RBFOX1: variants seen among roughly 807,000 people sequenced by gnomAD.
The protein encoded by RBFOX1 is RNA binding fox-1 homolog 1.
RBFOX1 carries 8 observed loss-of-function variants against 57.7 expected under a neutral mutation model. The ratio of observed to expected loss-of-function variants is 0.14; its 90% CI spans 0.08 to 0.25. RBFOX1 has a LOEUF of 0.25. Ranked by LOEUF, RBFOX1 falls within the 10% of genes least tolerant of loss-of-function variation. RBFOX1 has a pLI of 1.00. For missense variants in RBFOX1, 611 were observed against 548.5 expected (o/e 1.11, Z -1.14); for synonymous variants, 326 against 222.4 (o/e 1.47, Z -4.15).
At chr16:6,605,906 C>T (rs971560218) in intron 2 of RBFOX1, among the ~76,000 whole-genome samples, 20 of 152,130 alleles carry the variant, frequency 1.3e-4, no homozygotes, top group African/African-American at 3.9e-4. Flanking sequence ...TCGAGACCAG[C>T]CTGGCCAACA....
chr16:7,310,488 G>A (rs2096283013), intron 4 of RBFOX1, among the ~76,000 whole-genome samples: 1 of 152,134 alleles, frequency 6.6e-6, no homozygotes, highest in South Asian at 2.1e-4. Flanking sequence ...TAACTGTGGA[G>A]CACCCAGAGT....
chr16:5,876,057 G>A (rs536551270), intron 4 of RBFOX1, among the ~76,000 whole-genome samples: 1 of 152,040 alleles, frequency 6.6e-6, no homozygotes, highest in East Asian at 1.9e-4. Context: ...GTTAGCCAGG[G>A]TAGTCTTGAT....
chr16:6,529,830 A>T (rs112818170), intron 2 of RBFOX1, among the ~76,000 whole-genome samples: 1 of 152,082 alleles, frequency 6.6e-6, no homozygotes, highest in Non-Finnish European at 1.5e-5. Flanking sequence ...CATTTTTATT[A>T]AATATTATCC....
intron 2 of RBFOX1, among the ~76,000 whole-genome samples, chr16:6,612,346 T>G (rs944346714): frequency 6.6e-6 from 1 of 152,170 alleles, no homozygotes; most frequent in Admixed American, 6.5e-5. Flanking sequence ...GCATACGTTT[T>G]TAATAAAACC....
intron 3 of RBFOX1, among the ~76,000 whole-genome samples, chr16:5,814,922 C>A (rs578231918): frequency 2.0e-5 from 3 of 151,136 alleles, no homozygotes; most frequent in African/African-American, 7.3e-5. Flanking sequence ...GGCGACAGAG[C>A]GAGACTCCGT....
rs192518895 is a variant in RBFOX1, at chr16:6,930,325, A to G, written c.-15-121732A>G. On this transcript the variant is annotated intron_variant, in intron 3 of 15. Coordinates refer to ENST00000550418, the MANE Select transcript of RBFOX1 (RefSeq NM_018723.4). Reference sequence around the variant, plus strand: ...AAATGGCCAATATGCACATAAGAAGATACCTAACATCACTAATCTCTAGAG... The same window carrying G: ...AAATGGCCAATATGCACATAAGAAGGTACCTAACATCACTAATCTCTAGAG... Among the ~76,000 whole-genome samples the G allele has an allele frequency of 2.4e-4, 37 of 152,294 alleles. 1 individual carries two copies. Among genetic ancestry groups the G allele is most frequent in the African/African-American group, 8.9e-4 (37 of 41,558 alleles).
At chr16:7,275,747 C>G (rs115158406) in intron 4 of RBFOX1, among the ~76,000 whole-genome samples, 1,731 of 152,294 alleles carry the variant, frequency 0.011, 25 homozygotes, top group African/African-American at 0.039. Context: ...CCACAAGCAT[C>G]AAAATATCCA....
At chr16:7,450,125 G>T (rs1187335931) in intron 4 of RBFOX1, among the ~76,000 whole-genome samples, 1 of 152,186 alleles carries the variant, frequency 6.6e-6, no homozygotes, top group African/African-American at 2.4e-5. Context: ...GCCGAATGCG[G>T]TGGCTCATGC....
rs541092608 is a variant in RBFOX1, at chr16:5,889,094, T to C, written c.351+21759T>C. ...CATTTACTTAAAATTTTATCTTATT[T>C]TTCTTCAACTTTTAAGTTGTGAGGT... On this transcript the variant is annotated intron_variant, in intron 4 of 19. Transcript: ENST00000641259. 1.8e-4 allele frequency among the ~76,000 whole-genome samples: 27 copies of C among 152,312 alleles called. No individual in the cohort carries two copies. The South Asian group carries it at 5.6e-3, about 32-fold the overall frequency.
intron 4 of RBFOX1, among the ~76,000 whole-genome samples, chr16:7,483,022 G>A (rs531521075): frequency 1.3e-5 from 2 of 152,232 alleles, no homozygotes; most frequent in South Asian, 4.2e-4. Flanking sequence ...ATGAACCTGG[G>A]CCCCTCAGCC....
intron 3 of RBFOX1, among the ~76,000 whole-genome samples, chr16:6,991,865 G>C (rs1001293624): frequency 5.3e-5 from 8 of 152,152 alleles, no homozygotes; most frequent in African/African-American, 9.7e-5. Context: ...AATGTGCATA[G>C]GAATCACTTC....
chr16:7,058,409 A>C (rs1456524012), intron 4 of RBFOX1, among the ~76,000 whole-genome samples: 1 of 152,208 alleles, frequency 6.6e-6, no homozygotes, highest in African/African-American at 2.4e-5. Flanking sequence ...ATTGTTTGCA[A>C]AATACACTAT....
At chr16:7,654,069 CA>C in intron 12 of RBFOX1, 122 bp downstream of exon 12, 5 of 1,046,038 alleles carry the variant, frequency 4.8e-6, no homozygotes. Flanking sequence ...GAACCGCCCC[CA>C]GCATGCAGCC....
chr16:5,599,954 C>T, exon 3 of RBFOX1: 1 of 152,190 alleles, frequency 6.6e-6, no homozygotes, highest in Non-Finnish European at 1.5e-5. Flanking sequence ...ATTGCTTGAG[C>T]TCAGGAGTTG....
At position 6,351,350 on chromosome 16, in the gene RBFOX1, GTGTA is replaced by G. The variant is rs1267712724; in HGVS notation, c.-64+34295_-64+34298del. On this transcript the variant is annotated intron_variant, in intron 2 of 15. Transcript: ENST00000550418. The stretch of plus-strand genomic sequence containing the variant: ...TGTGTGTGTGTGTGTGTGTGTGTGT[GTGTA>G]TATATATATATATATATATTTTTTT... 2.4e-4 allele frequency among the ~76,000 whole-genome samples: 24 copies of G among 99,384 alleles called. 1 individual carries two copies. Among genetic ancestry groups the G allele is most frequent in the Admixed American group, 1.2e-3 (11 of 8,802 alleles). 65.2% of individuals were successfully genotyped at this position (99,384 alleles called of 152,430 possible). A position where few individuals can be genotyped will look rare whatever the true frequency, so the allele number is the denominator to read the frequency against.
At chr16:6,025,962 A>G (rs192763742) in intron 1 of RBFOX1, among the ~76,000 whole-genome samples, 1 of 152,326 alleles carries the variant, frequency 6.6e-6, no homozygotes, top group Admixed American at 6.5e-5. Context: ...AGCTGAGCCA[A>G]GCACTGTACC....
intron 3 of RBFOX1, among the ~76,000 whole-genome samples, chr16:5,859,537 A>G (rs1282799170): frequency 3.3e-5 from 5 of 152,196 alleles, no homozygotes; most frequent in African/African-American, 1.2e-4. Context: ...CCAGCTGGAG[A>G]TCAAGTTGAA....
chr16:6,921,915 G>A (rs897915106), intron 3 of RBFOX1, among the ~76,000 whole-genome samples: 5 of 152,138 alleles, frequency 3.3e-5, no homozygotes, highest in African/African-American at 1.2e-4. Context: ...AACACAGGAA[G>A]TCAGGGATCA....
chr16:7,210,094 T>A (rs13336435), intron 4 of RBFOX1, among the ~76,000 whole-genome samples: 7,564 of 152,246 alleles, frequency 0.05, 596 homozygotes, highest in African/African-American at 0.17. Context: ...ATCTTTGCAG[T>A]GTGTGCATTG....
Sources: gnomAD v4.1 joint callset for allele counts (sites outside exome capture counted in the v4.1 genomes callset) on GRCh38, gnomAD v4.1.1 for gene constraint, MANE v1.5 for transcripts, NCBI Gene and HGNC (gene_info 2026-07-23, HGNC 2026-07-21) for gene names.